ADGRV1: variants seen among roughly 807,000 people sequenced by gnomAD.
The protein encoded by ADGRV1 is adhesion G protein-coupled receptor V1.
In ADGRV1, 359 loss-of-function variants were observed where a neutral mutation model predicts 596.2. That is an observed-to-expected ratio of 0.60 (90% CI 0.55 to 0.66). ADGRV1 has a LOEUF of 0.66. Among genes scored for constraint, ADGRV1 ranks in the 30% least tolerant of loss-of-function variants. The probability of loss-of-function intolerance (pLI) is 0.00; values close to 1 mark genes in which losing one functional copy is unlikely to be tolerated. For synonymous variants in ADGRV1, 2,681 were observed against 2,679.2 expected (o/e 1.00, Z -0.02); for missense variants, 7,274 against 7,575.6 (o/e 0.96, Z 1.48).
intron 86 of ADGRV1, among the ~76,000 whole-genome samples, chr5:91,096,890 C>A (rs2126617455): frequency 6.6e-6 from 1 of 152,278 alleles, no homozygotes; most frequent in Non-Finnish European, 1.5e-5. Flanking sequence ...GCACTCCTCC[C>A]AGCCCCTGGT....
chr5:90,857,097 C>A (rs1295887086), intron 82 of ADGRV1, among the ~76,000 whole-genome samples: 1 of 151,914 alleles, frequency 6.6e-6, no homozygotes, highest in Non-Finnish European at 1.5e-5. Flanking sequence ...AACTTCAATT[C>A]AATAGCAAGA....
chr5:90,759,159 C>T (rs1756167877), intron 57 of ADGRV1, among the ~76,000 whole-genome samples: 1 of 152,000 alleles, frequency 6.6e-6, no homozygotes, highest in Non-Finnish European at 1.5e-5. Context: ...CTTTGAAATA[C>T]CATAAATATA....
intron 40 of ADGRV1, 28 bp from the exon 41 acceptor site, chr5:90,711,156 T>G (rs1405224812): frequency 1.9e-6 from 3 of 1,586,360 alleles, no homozygotes; most frequent in African/African-American, 2.7e-5. Flanking sequence ...TTTTTTTTGT[T>G]TGTTTTTGTT....
intron 85 of ADGRV1, among the ~76,000 whole-genome samples, chr5:91,035,258 C>T (rs2151246684): frequency 6.6e-6 from 1 of 152,278 alleles, no homozygotes; most frequent in Middle Eastern, 3.4e-3. Flanking sequence ...AAATTTTCCT[C>T]ACTTTCTGTT....
intron 83 of ADGRV1, among the ~76,000 whole-genome samples, chr5:90,872,959 C>G (rs1768846174): frequency 6.6e-6 from 1 of 152,190 alleles, no homozygotes; most frequent in Admixed American, 6.5e-5. Context: ...TTCTGTGAAA[C>G]TTTTTAATGA....
At position 90,672,712 on chromosome 5, in the gene ADGRV1, A is replaced by G; in HGVS notation, c.4919A>G (p.Gln1640Arg). ...GGAACTATTACATTCCTTCCTTGGC[A>G]GAGATCAGAGGTAAACCCTACCTTT... Reference protein sequence around the residue: ...ASGTITFLPWQRSEVLNIYVL... With the variant: ...ASGTITFLPWRRSEVLNIYVL... The change falls in exon 22 of 90, where the codon CAG (glutamine) becomes CGG (arginine). Residue 1640 changes from glutamine (Q) to arginine (R), a missense_variant. Around this residue, in one of 5 missense-constraint regions of ADGRV1, gnomAD observed 3,643 missense variants for 3,809.2 expected, o/e 0.96. Transcript: ENST00000405460. The G allele has an allele frequency of 6.2e-7, 1 of 1,611,504 alleles. No homozygotes were observed. Among genetic ancestry groups the G allele is most frequent in the Non-Finnish European group, 8.5e-7 (1 of 1,178,474 alleles).
At chr5:91,124,552 A>G (rs2126764229) in intron 87 of ADGRV1, among the ~76,000 whole-genome samples, 1 of 152,302 alleles carries the variant, frequency 6.6e-6, no homozygotes, top group Admixed American at 6.5e-5. Flanking sequence ...GTTTATCTGG[A>G]GATTGAAAAT....
chr5:91,133,658 A>G (rs1482404831), intron 87 of ADGRV1, among the ~76,000 whole-genome samples: 1 of 152,212 alleles, frequency 6.6e-6, no homozygotes, highest in Non-Finnish European at 1.5e-5. Context: ...ACTCTGATAT[A>G]GTGTGTGGCA....
At chr5:90,778,806 G>A in intron 63 of ADGRV1, 59 bp from the exon 64 acceptor site, 1 of 1,373,336 alleles carries the variant, frequency 7.3e-7, no homozygotes, top group Non-Finnish European at 1.0e-6. Flanking sequence ...TTTAGTTACA[G>A]ACAGTATTGT....
chr5:90,580,687 A>G lies in ADGRV1; in HGVS notation c.22+21770A>G, dbSNP rs550031679. ...TGGACTTCCCTTTGTGGGTAACCCA[A>G]CCTTTCTCTCTGGCTGCCCTTAACA... On this transcript the variant is annotated intron_variant, in intron 1 of 89. Coordinates refer to ENST00000405460, the MANE Select transcript of ADGRV1 (RefSeq NM_032119.4). Among the ~76,000 whole-genome samples the G allele has an allele frequency of 2.7e-3, 415 of 152,218 alleles. 1 individual carries two copies. Among genetic ancestry groups the G allele is most frequent in the African/African-American group, 9.6e-3 (400 of 41,536 alleles).
chr5:91,153,262 T>C lies in ADGRV1; in HGVS notation c.18666T>C (p.Ser6222=). The C allele has an allele frequency of 6.2e-7, 1 of 1,608,938 alleles. No individual in the cohort carries two copies. Among genetic ancestry groups the C allele is most frequent in the African/African-American group, 1.3e-5 (1 of 74,924 alleles). ...AGAGAGCATCCTTCCAACAGGGCAGTCAGGCCAGCCCTGATTTAAAGCCAA... is the reference window on the plus strand; with the variant it reads ...AGAGAGCATCCTTCCAACAGGGCAGCCAGGCCAGCCCTGATTTAAAGCCAA... ...DWERASFQQG[S]QASPDLKPSP... Residue 6222 remains serine (S), a synonymous_variant, in exon 89 of 90, where the codon AGT becomes AGC. Coordinates refer to ENST00000405460, the MANE Select transcript of ADGRV1 (RefSeq NM_032119.4).
rs1383704475 is a variant in ADGRV1, at chr5:90,663,858, A to G, written c.4752+5580A>G. ...CTAGCCAATTTTCCCAGCACCATTT[A>G]TTAAATAGGGAATCCTTTCCCCATT... On this transcript the variant is annotated intron_variant, in intron 21 of 89. Transcript: ENST00000405460. Among the ~76,000 whole-genome samples the G allele has an allele frequency of 3.9e-4, 60 of 152,098 alleles. No individual in the cohort carries two copies. In the South Asian group the frequency reaches 0.012, roughly 29 times the overall value.
intron 59 of ADGRV1, among the ~76,000 whole-genome samples, chr5:90,773,157 A>G (rs925378719): frequency 8.9e-5 from 12 of 134,900 alleles, no homozygotes; most frequent in African/African-American, 3.3e-4. Context: ...TGACAGAGTG[A>G]GACCCTGTCT....
At chr5:91,105,969 G>A (rs1016768238) in intron 87 of ADGRV1, among the ~76,000 whole-genome samples, 2 of 150,554 alleles carry the variant, frequency 1.3e-5, no homozygotes, top group Non-Finnish European at 3.0e-5. Context: ...TTAATAGCCT[G>A]TAAAATCTTT....
chr5:90,965,007 G>A lies in ADGRV1; in HGVS notation c.17857-408G>A, dbSNP rs572949925. 2.0e-5 allele frequency among the ~76,000 whole-genome samples: 3 copies of A among 152,318 alleles called. No homozygotes were observed. The South Asian group carries it at 6.2e-4, about 32-fold the overall frequency. ...TGTTACTTCCTGGCAAGAGGCTGCAGGTGATGGTAAAGTCAAGGATTTTAT... is the reference window on the plus strand; with the variant it reads ...TGTTACTTCCTGGCAAGAGGCTGCAAGTGATGGTAAAGTCAAGGATTTTAT... On this transcript the variant is annotated intron_variant, in intron 83 of 89. Coordinates refer to ENST00000405460, the MANE Select transcript of ADGRV1 (RefSeq NM_032119.4).
chr5:90,641,283 C>T (rs370420818), intron 11 of ADGRV1, among the ~76,000 whole-genome samples: 3 of 152,112 alleles, frequency 2.0e-5, no homozygotes, highest in Admixed American at 6.5e-5. Flanking sequence ...ATTATCTGAA[C>T]GGTTCCATTG....
chr5:90,643,114 T>G, intron 13 of ADGRV1, 73 bp downstream of exon 13: 1 of 1,274,728 alleles, frequency 7.8e-7, no homozygotes, highest in South Asian at 1.5e-5. Context: ...AATATAAATA[T>G]TTTGAATATT....
At chr5:91,016,218 T>G (rs1411681243) in intron 85 of ADGRV1, among the ~76,000 whole-genome samples, 1 of 152,020 alleles carries the variant, frequency 6.6e-6, no homozygotes, top group Non-Finnish European at 1.5e-5. Flanking sequence ...ATGCCATGCC[T>G]TAACAATGAC....
At chr5:90,752,955 G>A (rs1225746441) in intron 53 of ADGRV1, among the ~76,000 whole-genome samples, 1 of 152,204 alleles carries the variant, frequency 6.6e-6, no homozygotes, top group Non-Finnish European at 1.5e-5. Flanking sequence ...TTGCTGGAGA[G>A]TGGTGTGTGA....
Sources: allele counts gnomAD v4.1 joint callset (sites outside exome capture counted in the v4.1 genomes callset), GRCh38; gene constraint gnomAD v4.1.1; regional missense constraint gnomAD v4.1.1; transcripts MANE v1.5; gene names NCBI Gene and HGNC (gene_info 2026-07-23, HGNC 2026-07-21).